RFT1: variants seen among roughly 807,000 people sequenced by gnomAD.
RFT1 encodes the protein man(5)GlcNAc(2)-PP-dolichol translocation protein RFT1.
Under a neutral mutation model 62.2 loss-of-function variants are expected in RFT1, and 43 were observed. That is an observed-to-expected ratio of 0.69 (90% CI 0.54 to 0.89). RFT1 has a LOEUF of 0.89. Ranked by LOEUF, RFT1 falls within the 40% of genes least tolerant of loss-of-function variation. The pLI is 0.00. For missense variants in RFT1, 605 were observed against 649.9 expected, an observed-to-expected ratio of 0.93 and a Z score of 0.75; for synonymous variants, 262 against 264.6, an observed-to-expected ratio of 0.99 and a Z score of 0.10.
the RFT1 span, among the ~76,000 whole-genome samples, chr3:53,079,280 A>C: frequency 8.9e-3 from 1,348 of 152,118 alleles, 21 homozygotes; most frequent in African/African-American, 0.031. Context: ...GATCCCCACT[A>C]CTCAGATATG....
At chr3:53,072,257 T>C in the RFT1 span, among the ~76,000 whole-genome samples, 1 of 152,166 alleles carries the variant, frequency 6.6e-6, no homozygotes, top group Non-Finnish European at 1.5e-5. Context: ...GGAGCCTGCA[T>C]GCAGGCTCAG....
rs573020709 is a variant in RFT1 at position 53,099,308 on chromosome 3, A to C, written c.1208+73T>G. On this transcript the variant is annotated intron_variant, in intron 11 of 12. Transcript: ENST00000296292. ...CTGTAAATGCATGTTCAGAACGAAA[A>C]GCAAAAAGCTTGACAAGTTATTTCA... The C allele has an allele frequency of 9.0e-5, 115 of 1,281,692 alleles. 1 individual carries two copies. Among genetic ancestry groups the C allele is most frequent in the South Asian group, 4.7e-4 (39 of 83,812 alleles). The allele number at this position is 1,281,692 out of a possible 1,614,324, so 79.4% of individuals were successfully genotyped here. A position where few individuals can be genotyped will look rare whatever the true frequency, so the allele number is the denominator to read the frequency against.
chr3:53,095,827 C>G (rs968547121), intron 11 of RFT1, among the ~76,000 whole-genome samples: 2 of 151,974 alleles, frequency 1.3e-5, no homozygotes, highest in Non-Finnish European at 2.9e-5. Context: ...CACAGCCATA[C>G]AATCGAGCCT....
At chr3:53,120,612 G>A (rs1701943449) in intron 5 of RFT1, among the ~76,000 whole-genome samples, 1 of 152,164 alleles carries the variant, frequency 6.6e-6, no homozygotes, top group South Asian at 2.1e-4. Context: ...ATGGCTTCTG[G>A]CCAGGAGCAG....
At chr3:53,127,432 T>C (rs1223454367) in intron 1 of RFT1, among the ~76,000 whole-genome samples, 1 of 152,112 alleles carries the variant, frequency 6.6e-6, no homozygotes, top group Non-Finnish European at 1.5e-5. Context: ...CTGGGCGCAG[T>C]GGCTCATGCC....
chr3:53,087,811 A>G (rs1240939130), downstream of RFT1, among the ~76,000 whole-genome samples: 1 of 152,226 alleles, frequency 6.6e-6, no homozygotes, highest in Non-Finnish European at 1.5e-5. Flanking sequence ...GCAAGCCACA[A>G]CGCCTGGCCC....
intron 9 of RFT1, among the ~76,000 whole-genome samples, chr3:53,105,291 G>A (rs771125347): frequency 3.9e-5 from 6 of 152,216 alleles, no homozygotes; most frequent in Non-Finnish European, 8.8e-5. Flanking sequence ...GCGCATGCCT[G>A]TAGTCCCAGC....
At chr3:53,086,379 G>A (rs192485721), downstream of RFT1, among the ~76,000 whole-genome samples, 3 of 152,108 alleles carry the variant, frequency 2.0e-5, no homozygotes, top group East Asian at 1.9e-4. Context: ...GCAGTGGCGC[G>A]ATCTTGGCTC....
At chr3:53,122,291 TTC>T in intron 4 of RFT1, 81 bp downstream of exon 4, 1 of 1,283,286 alleles carries the variant, frequency 7.8e-7, no homozygotes, top group South Asian at 1.2e-5. Context: ...AAATCATTCA[TTC>T]TCTCCTATAA....
At chr3:53,105,410 TC>T (rs1553654051) in intron 9 of RFT1, among the ~76,000 whole-genome samples, 1 of 116,988 alleles carries the variant, frequency 8.5e-6, no homozygotes, top group Admixed American at 7.9e-5. Context: ...CAAGACTCTA[TC>T]CCCGCCCCCC....
At chr3:53,081,807 G>A in the RFT1 span, among the ~76,000 whole-genome samples, 3 of 152,140 alleles carry the variant, frequency 2.0e-5, no homozygotes, top group African/African-American at 7.2e-5. Context: ...GCCAATGTTT[G>A]TGCGAAACAA....
intron 10 of RFT1, chr3:53,103,356 G>C (rs1295020618): frequency 2.6e-6 from 2 of 780,606 alleles, no homozygotes; most frequent in Non-Finnish European, 3.1e-6. Context: ...TGAAATTGAT[G>C]AAGTCCCCAA....
At chr3:53,071,844 A>G in the RFT1 span, among the ~76,000 whole-genome samples, 24 of 152,218 alleles carry the variant, frequency 1.6e-4, no homozygotes, top group African/African-American at 5.1e-4. Context: ...CTGTAAGAAC[A>G]AGGTGAAGCC....
intron 7 of RFT1, 121 bp downstream of exon 7, chr3:53,111,709 T>C: frequency 2.4e-6 from 2 of 819,330 alleles, no homozygotes; most frequent in Non-Finnish European, 2.1e-6. Flanking sequence ...CCTCCTCCCA[T>C]TTCTGAAATT....
intron 1 of RFT1, among the ~76,000 whole-genome samples, chr3:53,129,335 A>ACCCTG (rs1260020208): frequency 6.6e-6 from 1 of 152,204 alleles, no homozygotes; most frequent in Non-Finnish European, 1.5e-5. Flanking sequence ...CTTCCTAATG[A>ACCCTG]CCCTGTGAGG....
the RFT1 span, among the ~76,000 whole-genome samples, chr3:53,067,625 T>C: frequency 2.6e-5 from 4 of 152,194 alleles, no homozygotes; most frequent in African/African-American, 9.7e-5. Context: ...TCATGATTGC[T>C]GTAGTGTACC....
At chr3:53,129,573 C>G (rs1702200989) in intron 1 of RFT1, among the ~76,000 whole-genome samples, 1 of 152,106 alleles carries the variant, frequency 6.6e-6, no homozygotes, top group South Asian at 2.1e-4. Flanking sequence ...TACTGAGCCA[C>G]TTGACTTAAG....
chr3:53,124,526 T>C (rs1052360158), intron 2 of RFT1, among the ~76,000 whole-genome samples: 6 of 152,078 alleles, frequency 3.9e-5, no homozygotes, highest in Admixed American at 6.5e-5. Context: ...AATAAGGAGA[T>C]GGAACCAAAC....
chr3:53,113,606 A>G (rs1357384661), intron 6 of RFT1, among the ~76,000 whole-genome samples: 1 of 152,256 alleles, frequency 6.6e-6, no homozygotes, highest in Admixed American at 6.5e-5. Context: ...TAGCAGCCAC[A>G]GTGCACAGGA....
Sources: gnomAD v4.1 joint callset for allele counts (sites outside exome capture counted in the v4.1 genomes callset) on GRCh38, gnomAD v4.1.1 for gene constraint, MANE v1.5 for transcripts, NCBI Gene and HGNC (gene_info 2026-07-23, HGNC 2026-07-21) for gene names.